The following TMEM161B variants were observed in gnomAD, a reference collection of about 807,000 sequenced individuals.
TMEM161B encodes the protein transmembrane protein 161B.
In TMEM161B, 34 loss-of-function variants were observed where a neutral mutation model predicts 61.8. The ratio of observed to expected loss-of-function variants is 0.55; its 90% CI spans 0.42 to 0.73. The LOEUF is 0.73. Among genes scored for constraint, TMEM161B ranks in the 30% least tolerant of loss-of-function variants. TMEM161B has a pLI of 0.00. For missense variants in TMEM161B, 456 were observed against 558.5 expected (o/e 0.82, Z 1.85); for synonymous variants, 167 against 192.8 (o/e 0.87, Z 1.11).
At chr5:88,259,394 T>C (rs749612269) in intron 1 of TMEM161B, 2 of 152,104 alleles carry the variant, frequency 1.3e-5, no homozygotes, top group Non-Finnish European at 2.9e-5. Context: ...TAATTGAAAA[T>C]AGCCCAAGTG....
At position 88,196,334 on chromosome 5, in the gene TMEM161B, T is replaced by A. The variant is rs1211273054; in HGVS notation, c.1341A>T (p.Lys447Asn). The change falls in exon 12 of 12, where the codon AAA (lysine) becomes AAT (asparagine). Residue 447 changes from lysine (K) to asparagine (N), a missense_variant. Physicochemically the swap from Lys to Asn is moderately conservative, Grantham distance 94 (BLOSUM62 0). Coordinates refer to ENST00000296595, the MANE Select transcript of TMEM161B (RefSeq NM_153354.5). ...GAAAAAGAAGAGGAGTAAAAATATT[T>A]TTTAAGCTGCTCAGTGCCACTGTTA... is the stretch of plus-strand genomic sequence containing the variant. ...TQITVALSSL[K>N]NIFTPLLFRG... 1 of 1,613,422 alleles carries A rather than the reference T, an allele frequency of 6.2e-7. No homozygotes were observed. The highest frequency in any genetic ancestry group is 1.7e-5 in the Admixed American group (1 of 59,902).
chr5:88,196,122 TGC>T lies in TMEM161B; in HGVS notation c.*87_*88del. 2 of 1,491,928 alleles carry T rather than the reference TGC, an allele frequency of 1.3e-6. No individual in the cohort carries two copies. The highest frequency in any genetic ancestry group is 1.4e-5 in the South Asian group (1 of 70,432). 92.4% of individuals were successfully genotyped at this position (1,491,928 alleles called of 1,614,324 possible). On this transcript the variant is annotated 3_prime_UTR_variant, in exon 12 of 12. Coordinates refer to ENST00000296595, the MANE Select transcript of TMEM161B (RefSeq NM_153354.5). Reference sequence around the variant, plus strand: ...TATGTTTTTTTTTTCCCATTGTATTTGCTTTCTTCTGGTTTTCATCAGCCCTT... The same window carrying T: ...TATGTTTTTTTTTTCCCATTGTATTTTTTCTTCTGGTTTTCATCAGCCCTT...
At chr5:88,205,049 C>A (rs921664371) in intron 8 of TMEM161B, among the ~76,000 whole-genome samples, 1 of 152,000 alleles carries the variant, frequency 6.6e-6, no homozygotes, top group Non-Finnish European at 1.5e-5. Context: ...GCTTCTACTG[C>A]AAAACAAAAC....
intron 8 of TMEM161B, among the ~76,000 whole-genome samples, chr5:88,203,804 T>G (rs1177081835): frequency 4.1e-5 from 2 of 48,726 alleles, no homozygotes; most frequent in East Asian, 1.5e-3. Context: ...TATATATATA[T>G]ATATATATAT....
intron 1 of TMEM161B, among the ~76,000 whole-genome samples, chr5:88,252,058 T>G (rs1253097201): frequency 6.6e-6 from 1 of 152,204 alleles, no homozygotes; most frequent in Admixed American, 6.6e-5. Flanking sequence ...AAAATAATAT[T>G]TGAGCACAAA....
intron 1 of TMEM161B, among the ~76,000 whole-genome samples, chr5:88,262,178 C>T (rs759313036): frequency 1.3e-5 from 2 of 148,568 alleles, no homozygotes; most frequent in Admixed American, 6.6e-5. Context: ...TGTTCCACAT[C>T]ATGTCATTAG....
At chr5:88,225,721 T>C in intron 4 of TMEM161B, 48 bp downstream of exon 4, 1 of 1,238,556 alleles carries the variant, frequency 8.1e-7, no homozygotes. Context: ...TTCACTACTA[T>C]AATATAAAAC....
intron 5 of TMEM161B, among the ~76,000 whole-genome samples, chr5:88,217,975 C>CT (rs1289155299): frequency 1.3e-5 from 2 of 149,388 alleles, no homozygotes; most frequent in Admixed American, 6.7e-5. Flanking sequence ...ATAATGTAAT[C>CT]ATAAAACGAG....
intron 3 of TMEM161B, among the ~76,000 whole-genome samples, chr5:88,227,055 GT>G (rs942975019): frequency 3.3e-5 from 5 of 152,220 alleles, no homozygotes; most frequent in African/African-American, 1.2e-4. Context: ...TGGGCATGGT[GT>G]TGCATGCATC....
At chr5:88,259,161 TACA>T (rs1755367475) in intron 1 of TMEM161B, 1 of 152,158 alleles carries the variant, frequency 6.6e-6, no homozygotes, top group Admixed American at 6.5e-5. Context: ...TCCAAAAATT[TACA>T]ACATCCCATC....
chr5:88,212,831 C>G (rs925788871), intron 5 of TMEM161B, among the ~76,000 whole-genome samples: 2 of 152,156 alleles, frequency 1.3e-5, no homozygotes, highest in African/African-American at 4.8e-5. Context: ...TCTCAATGCT[C>G]TTTTGAGAAG....
chr5:88,195,836 T>A lies in TMEM161B; in HGVS notation c.*375A>T, dbSNP rs1448277294. On this transcript the variant is annotated 3_prime_UTR_variant, in exon 12 of 12. Transcript: ENST00000296595. ...TTGTTCTATAGGCAGCCACTATGACTATCAACAGTACCATAAAACCATTAA... is the reference window on the plus strand; with the variant it reads ...TTGTTCTATAGGCAGCCACTATGACAATCAACAGTACCATAAAACCATTAA... 1 of 1,005,572 alleles carries A rather than the reference T, an allele frequency of 9.9e-7. No homozygotes were observed. The highest frequency in any genetic ancestry group is 5.7e-5 in the Admixed American group (1 of 17,568). The allele number at this position is 1,005,572 out of a possible 1,614,324, so 62.3% of individuals were successfully genotyped here. A position where few individuals can be genotyped will look rare whatever the true frequency, so the allele number is the denominator to read the frequency against.
intron 6 of TMEM161B, 87 bp downstream of exon 6, chr5:88,206,942 A>G (rs1745616713): frequency 5.5e-6 from 6 of 1,099,822 alleles, no homozygotes; most frequent in African/African-American, 1.6e-5. Flanking sequence ...TTAGATATTT[A>G]TCAGACATAA....
intron 4 of TMEM161B, among the ~76,000 whole-genome samples, chr5:88,225,100 TGGGACTACAGGCGC>T (rs1245348468): frequency 4.6e-5 from 7 of 151,596 alleles, no homozygotes; most frequent in Non-Finnish European, 8.8e-5. Context: ...CCTGAGTAGC[TGGGACTACAGGCGC>T]CTGCCACCAC....
At chr5:88,192,228 G>A (rs897875884), downstream of TMEM161B, among the ~76,000 whole-genome samples, 13 of 151,496 alleles carry the variant, frequency 8.6e-5, no homozygotes, top group African/African-American at 2.9e-4. Flanking sequence ...GGAGTGGTGG[G>A]AGGAAAACAA....
rs536834672 is a variant in TMEM161B, at chr5:88,222,973, A to G, written c.290-2254T>C. 2.0e-5 allele frequency among the ~76,000 whole-genome samples: 3 copies of G among 152,108 alleles called. No homozygotes were observed. The South Asian group carries it at 6.2e-4, about 32-fold the overall frequency. ...AATGACTACAAAAACTTATAAACAT[A>G]TATGAACATCTCCCTGCTATTCTGG... is the stretch of plus-strand genomic sequence containing the variant. On this transcript the variant is annotated intron_variant, in intron 4 of 11. Transcript: ENST00000296595.
At chr5:88,243,316 C>G (rs1270410391) in intron 1 of TMEM161B, among the ~76,000 whole-genome samples, 1 of 151,746 alleles carries the variant, frequency 6.6e-6, no homozygotes, top group East Asian at 1.9e-4. Context: ...GTTTAGCTCT[C>G]ACTTATAAAT....
chr5:88,232,492 TA>T (rs1201417866), intron 2 of TMEM161B, among the ~76,000 whole-genome samples: 1 of 152,222 alleles, frequency 6.6e-6, no homozygotes, highest in Non-Finnish European at 1.5e-5. Flanking sequence ...TGAGAAATAA[TA>T]ATTAGTGAAA....
intron 5 of TMEM161B, among the ~76,000 whole-genome samples, chr5:88,219,451 T>C (rs1212916096): frequency 2.6e-5 from 4 of 151,484 alleles, no homozygotes; most frequent in South Asian, 4.2e-4. Flanking sequence ...GAGAAAAGAG[T>C]AGGGAACATA....
Sources: allele counts gnomAD v4.1 joint callset (sites outside exome capture counted in the v4.1 genomes callset), GRCh38; gene constraint gnomAD v4.1.1; transcripts MANE v1.5; gene names NCBI Gene and HGNC (gene_info 2026-07-23, HGNC 2026-07-21).